GRIA3: variants seen among roughly 807,000 people sequenced by gnomAD.
GRIA3 encodes glutamate receptor 3.
GRIA3 carries 3 observed loss-of-function variants against 63.0 expected under a neutral mutation model. That is an observed-to-expected ratio of 0.05 (90% confidence interval 0.02 to 0.12). GRIA3 has a LOEUF of 0.12. Ranked by LOEUF, GRIA3 falls within the 10% of genes least tolerant of loss-of-function variation. GRIA3 has a pLI of 1.00. For synonymous variants in GRIA3, 274 were observed against 257.9 expected, an observed-to-expected ratio of 1.06 and a Z score of -0.60; for missense variants, 347 against 700.9, an observed-to-expected ratio of 0.50 and a Z score of 5.70.
chrX:123,373,111 C>T (rs3950703), intron 5 of GRIA3, among the ~76,000 whole-genome samples: 218 of 109,617 alleles, frequency 2.0e-3, no homozygotes, highest in Non-Finnish European at 3.5e-3. Flanking sequence ...TGAGAATATG[C>T]GGTGTTTGGT....
intron 5 of GRIA3, among the ~76,000 whole-genome samples, chrX:123,383,754 T>C (rs985844961): frequency 2.7e-5 from 3 of 111,183 alleles, no homozygotes; most frequent in Non-Finnish European, 5.7e-5. Context: ...AGGTTTGTTA[T>C]ATAGGTAAAC....
intron 15 of GRIA3, among the ~76,000 whole-genome samples, chrX:123,484,738 C>T (rs1395232102): frequency 8.9e-6 from 1 of 112,630 alleles, no homozygotes; most frequent in Non-Finnish European, 1.9e-5. Context: ...CTGCGTCAGC[C>T]TCCCAAAGTG....
Position 123,453,205 on chromosome X carries a change from G to A in GRIA3, c.2077-11660G>A, listed in dbSNP as rs1332483592. On this transcript the variant is annotated intron_variant, in intron 12 of 15. Transcript: ENST00000620443. ...GCACATATACACCATGGAATACTAC[G>A]CAGCCATAAAAAAGGATGAGTTCAT... 7.2e-5 allele frequency among the ~76,000 whole-genome samples: 8 copies of A among 111,598 alleles called. No individual in the cohort carries two copies. The South Asian group carries it at 1.5e-3, about 21-fold the overall frequency.
chrX:123,371,429 A>C (rs5911605), intron 5 of GRIA3, among the ~76,000 whole-genome samples: 27,991 of 108,682 alleles, frequency 0.26, 3,422 homozygotes, highest in African/African-American at 0.45. Context: ...CTTATAGACG[A>C]CCTATTTTCA....
intron 3 of GRIA3, among the ~76,000 whole-genome samples, chrX:123,286,747 A>T (rs1169010548): frequency 5.4e-5 from 6 of 111,723 alleles, no homozygotes; most frequent in Non-Finnish European, 9.4e-5. Context: ...ACCAATAACA[A>T]GTTCCGAAAT....
intron 14 of GRIA3, among the ~76,000 whole-genome samples, chrX:123,481,192 T>C (rs1030796439): frequency 8.9e-6 from 1 of 111,937 alleles, no homozygotes; most frequent in Non-Finnish European, 1.9e-5. Flanking sequence ...AAAAGTCTAA[T>C]GGCAGAGGAA....
intron 5 of GRIA3, among the ~76,000 whole-genome samples, chrX:123,359,767 G>A (rs1319633165): frequency 8.9e-6 from 1 of 111,792 alleles, no homozygotes; most frequent in Non-Finnish European, 1.9e-5. Flanking sequence ...AACAATTGAA[G>A]TGCCCAGGGG....
intron 2 of GRIA3, among the ~76,000 whole-genome samples, chrX:123,192,725 G>A (rs1410880647): frequency 9.0e-6 from 1 of 111,720 alleles, no homozygotes; most frequent in Non-Finnish European, 1.9e-5. Flanking sequence ...GGGGAGCAAG[G>A]ATAAGAATAA....
chrX:123,474,126 A>G (rs1445416588), intron 13 of GRIA3, among the ~76,000 whole-genome samples: 2 of 111,129 alleles, frequency 1.8e-5, no homozygotes, highest in East Asian at 2.8e-4. Context: ...TCCTCTCTTT[A>G]CCCTTCCAGG....
chrX:123,275,178 A>T (rs981736491), intron 3 of GRIA3, among the ~76,000 whole-genome samples: 1 of 111,808 alleles, frequency 8.9e-6, no homozygotes, highest in African/African-American at 3.2e-5. Context: ...AATAACAAAG[A>T]TAATTATAAC....
At chrX:123,317,781 T>C (rs1245876628) in intron 3 of GRIA3, among the ~76,000 whole-genome samples, 1 of 111,878 alleles carries the variant, frequency 8.9e-6, no homozygotes, top group African/African-American at 3.3e-5. Context: ...GGATCTACCA[T>C]TCTGGGATCT....
At chrX:123,445,045 C>G (rs780848464) in intron 12 of GRIA3, among the ~76,000 whole-genome samples, 112 of 111,827 alleles carry the variant, frequency 1.0e-3, no homozygotes, top group African/African-American at 3.5e-3. Context: ...CAGTTGGGCA[C>G]AGTTGATCAA....
chrX:123,452,714 G>A (rs2045739741), intron 12 of GRIA3, among the ~76,000 whole-genome samples: 1 of 111,768 alleles, frequency 8.9e-6, no homozygotes, highest in African/African-American at 3.3e-5. Context: ...AATTGGCTTT[G>A]GATTGCTGGA....
chrX:123,316,331 A>G (rs1325679325), intron 3 of GRIA3, among the ~76,000 whole-genome samples: 2 of 112,266 alleles, frequency 1.8e-5, no homozygotes, highest in Non-Finnish European at 3.8e-5. Context: ...AGAAATGCTA[A>G]CAAAAAAAGA....
intron 12 of GRIA3, 106 bp from the exon 13 acceptor site, chrX:123,464,759 G>T: frequency 2.8e-6 from 2 of 721,010 alleles, no homozygotes; most frequent in South Asian, 4.7e-5. Flanking sequence ...AGTGTAACGT[G>T]TTTTTTATTA....
intron 2 of GRIA3, among the ~76,000 whole-genome samples, chrX:123,252,390 T>C (rs747687730): frequency 8.9e-6 from 1 of 112,669 alleles, no homozygotes; most frequent in East Asian, 2.8e-4. Context: ...AAGTGAGCAG[T>C]GGTGCAGATA....
intron 10 of GRIA3, among the ~76,000 whole-genome samples, chrX:123,407,210 T>C (rs1310788019): frequency 9.0e-6 from 1 of 111,592 alleles, no homozygotes; most frequent in Non-Finnish European, 1.9e-5. Flanking sequence ...GGCTGCCAGA[T>C]ACTGTACTAA....
Position 123,480,187 on chromosome X carries a change from T to A in GRIA3, c.2439+10T>A. The A allele has an allele frequency of 9.6e-7, 1 of 1,040,522 alleles. No individual in the cohort carries two copies. Among genetic ancestry groups the A allele is most frequent in the Non-Finnish European group, 1.4e-6 (1 of 739,726 alleles). The allele number at this position is 1,040,522 out of a possible 1,213,427, so 85.8% of individuals were successfully genotyped here. A position where few individuals can be genotyped will look rare whatever the true frequency, so the allele number is the denominator to read the frequency against. On this transcript the variant is annotated intron_variant, in intron 14 of 15. Transcript: ENST00000620443. ...GGACTCCGGGAGTAAGGTCAGTCGC[T>A]GAAGGTCTTTTTGTACTGATTAGCA... is the stretch of plus-strand genomic sequence containing the variant.
At chrX:123,467,551 T>C (rs748589097) in intron 13 of GRIA3, among the ~76,000 whole-genome samples, 1 of 112,222 alleles carries the variant, frequency 8.9e-6, no homozygotes, top group South Asian at 3.7e-4. Flanking sequence ...CTCATGTTAT[T>C]TGCACGGAGA....
Sources: allele counts gnomAD v4.1 joint callset (sites outside exome capture counted in the v4.1 genomes callset), GRCh38; gene constraint gnomAD v4.1.1; transcripts MANE v1.5; gene names NCBI Gene and HGNC (gene_info 2026-07-23, HGNC 2026-07-21).